C1QTNF7: variants seen among roughly 807,000 people sequenced by gnomAD.
The protein encoded by C1QTNF7 is complement C1q tumor necrosis factor-related protein 7.
In C1QTNF7, 15 loss-of-function variants were observed where a neutral mutation model predicts 19.6. The ratio of observed to expected loss-of-function variants is 0.76; its 90% CI spans 0.51 to 1.18. The LOEUF (loss-of-function observed/expected upper bound fraction) is 1.18, where lower values mean the gene tolerates loss of function less well. C1QTNF7 is among the 50% of genes most tolerant of loss of function. The pLI is 0.00. For missense variants in C1QTNF7, 324 were observed against 359.7 expected, an observed-to-expected ratio of 0.90 and a Z score of 0.80; for synonymous variants, 142 against 137.5, an observed-to-expected ratio of 1.03 and a Z score of -0.23.
chr4:15,412,711 G>A (rs1042353847), intron 1 of C1QTNF7, among the ~76,000 whole-genome samples: 7 of 152,282 alleles, frequency 4.6e-5, no homozygotes, highest in South Asian at 4.1e-4. Context: ...AGGCTATTGC[G>A]CAGCTCACCA....
chr4:15,378,739 A>C (rs2108889010), intron 1 of C1QTNF7, among the ~76,000 whole-genome samples: 1 of 152,328 alleles, frequency 6.6e-6, no homozygotes, highest in African/African-American at 2.4e-5. Flanking sequence ...CAAAGCTGCC[A>C]GAAGTCAGTC....
intron 1 of C1QTNF7, among the ~76,000 whole-genome samples, chr4:15,389,611 G>T (rs954875026): frequency 2.6e-5 from 4 of 152,042 alleles, no homozygotes; most frequent in South Asian, 4.2e-4. Context: ...TAGAGACAGG[G>T]TTTCACCATG....
At chr4:15,423,379 T>A (rs913598674), upstream of C1QTNF7, among the ~76,000 whole-genome samples, 6 of 152,220 alleles carry the variant, frequency 3.9e-5, no homozygotes, top group Non-Finnish European at 2.9e-5. Context: ...TCAATGACAT[T>A]TGTTCATTCC....
intron 1 of C1QTNF7, among the ~76,000 whole-genome samples, chr4:15,375,402 AGC>A (rs1395424470): frequency 6.6e-6 from 1 of 152,216 alleles, no homozygotes; most frequent in African/African-American, 2.4e-5. Context: ...GCAATATGGA[AGC>A]AGAAATATCT....
At chr4:15,353,747 G>A (rs1467327838) in intron 1 of C1QTNF7, among the ~76,000 whole-genome samples, 1 of 149,544 alleles carries the variant, frequency 6.7e-6, no homozygotes, top group Non-Finnish European at 1.5e-5. Context: ...CACCCAGAAA[G>A]AAAGAGAGGC....
chr4:15,434,289 T>G (rs185575267), intron 1 of C1QTNF7, among the ~76,000 whole-genome samples: 29 of 152,322 alleles, frequency 1.9e-4, no homozygotes, highest in Admixed American at 1.5e-3. Context: ...CAAAATCACA[T>G]GTGCACACTG....
intron 2 of C1QTNF7, among the ~76,000 whole-genome samples, chr4:15,440,005 T>C (rs1482426486): frequency 7.3e-6 from 1 of 137,142 alleles, no homozygotes; most frequent in African/African-American, 2.5e-5. Context: ...TATAAAATAT[T>C]GTATATATAA....
At chr4:15,387,776 T>C (rs1577250714) in intron 1 of C1QTNF7, among the ~76,000 whole-genome samples, 3 of 152,314 alleles carry the variant, frequency 2.0e-5, no homozygotes, top group Admixed American at 2.0e-4. Flanking sequence ...AACAGTAATA[T>C]ATATCACTGC....
chr4:15,391,886 C>T (rs1014916516), intron 1 of C1QTNF7, among the ~76,000 whole-genome samples: 1 of 152,080 alleles, frequency 6.6e-6, no homozygotes, highest in African/African-American at 2.4e-5. Flanking sequence ...GAAATTTGAA[C>T]ACAGGTCCAA....
In C1QTNF7 at chr4:15,408,028, G is replaced by T. The variant is rs528429929; in HGVS notation, c.14-27708G>T. Among the ~76,000 whole-genome samples, 6 of 152,290 alleles carry T rather than the reference G, an allele frequency of 3.9e-5. No homozygotes were observed. In the South Asian group the frequency reaches 1.2e-3, roughly 32 times the overall value. ...TCACGCCTGTAATCCCAGCACTTTG[G>T]GAGGCCGAGGCAGGCGGATCATGAG... is the stretch of plus-strand genomic sequence containing the variant. On this transcript the variant is annotated intron_variant, in intron 1 of 2. Transcript: ENST00000295297.
intron 1 of C1QTNF7, among the ~76,000 whole-genome samples, chr4:15,405,138 G>A (rs1330491529): frequency 6.6e-6 from 1 of 152,112 alleles, no homozygotes; most frequent in African/African-American, 2.4e-5. Context: ...GGGGTCCCTG[G>A]CACTGGTTCA....
At chr4:15,425,713 C>A (rs1389499638), upstream of C1QTNF7, among the ~76,000 whole-genome samples, 1 of 152,154 alleles carries the variant, frequency 6.6e-6, no homozygotes, top group Non-Finnish European at 1.5e-5. Flanking sequence ...AATACAATTA[C>A]TCACCTCAAG....
At chr4:15,407,539 C>T (rs2108912769) in intron 1 of C1QTNF7, among the ~76,000 whole-genome samples, 1 of 152,298 alleles carries the variant, frequency 6.6e-6, no homozygotes, top group South Asian at 2.1e-4. Context: ...CACACATTTC[C>T]TTTCACTGTC....
intron 1 of C1QTNF7, among the ~76,000 whole-genome samples, chr4:15,356,275 G>C (rs1717143993): frequency 1.3e-5 from 2 of 151,960 alleles, no homozygotes; most frequent in African/African-American, 4.8e-5. Flanking sequence ...GACGGGCCCA[G>C]GTGTGTGATA....
chr4:15,372,389 G>A (rs1023675526), intron 1 of C1QTNF7, among the ~76,000 whole-genome samples: 7 of 152,210 alleles, frequency 4.6e-5, no homozygotes, highest in African/African-American at 1.7e-4. Flanking sequence ...CCATCTGCAA[G>A]TCAAGAAGAG....
upstream of C1QTNF7, among the ~76,000 whole-genome samples, chr4:15,426,167 A>G (rs190397254): frequency 3.7e-4 from 57 of 152,356 alleles, no homozygotes; most frequent in African/African-American, 1.3e-3. Flanking sequence ...GCACAAGTTG[A>G]GAAAGGAAGA....
In C1QTNF7 at chr4:15,398,463, T is replaced by C. The variant is rs62289264; in HGVS notation, c.14-37273T>C. 8.3e-3 allele frequency among the ~76,000 whole-genome samples: 1,224 copies of C among 147,576 alleles called. 14 individuals carry two copies. The highest frequency in any genetic ancestry group is 0.016 in the South Asian group (70 of 4,304). The stretch of plus-strand genomic sequence containing the variant: ...CTACTGTACAAGCCTTGTCCTCCAA[T>C]ATCTACCTTCACAGACTTTCTGTTC... On this transcript the variant is annotated intron_variant, in intron 1 of 2. Transcript: ENST00000295297.
In C1QTNF7 at chr4:15,390,294, T is replaced by C. The variant is rs761386697; in HGVS notation, c.14-45442T>C. ...TCTTCAATCCTTTCGACTGATTGAA[T>C]TGAGGCACCTAAATTATCTAGGAAA... is the stretch of plus-strand genomic sequence containing the variant. On this transcript the variant is annotated intron_variant, in intron 1 of 2. Transcript: ENST00000295297. Among the ~76,000 whole-genome samples, 9 of 152,312 alleles carry C rather than the reference T, an allele frequency of 5.9e-5. No homozygotes were observed. In the East Asian group the frequency reaches 9.7e-4, roughly 16 times the overall value.
intron 1 of C1QTNF7, among the ~76,000 whole-genome samples, chr4:15,351,378 T>C (rs780122796): frequency 6.6e-6 from 1 of 152,142 alleles, no homozygotes; most frequent in Non-Finnish European, 1.5e-5. Context: ...CAACTAAAAC[T>C]GTATGTTGCC....
Sources: allele counts gnomAD v4.1 joint callset (sites outside exome capture counted in the v4.1 genomes callset), GRCh38; gene constraint gnomAD v4.1.1; transcripts MANE v1.5; gene names NCBI Gene and HGNC (gene_info 2026-07-23, HGNC 2026-07-21).